MGMT: variants seen among roughly 807,000 people sequenced by gnomAD.
MGMT encodes the protein O-6-methylguanine-DNA methyltransferase.
MGMT carries 14 observed loss-of-function variants against 15.9 expected under a neutral mutation model. The ratio of observed to expected loss-of-function variants is 0.88; its 90% confidence interval spans 0.58 to 1.37. The LOEUF is 1.37. Ranked by LOEUF, MGMT falls within the 40% of genes most tolerant of loss-of-function variation. The pLI is 0.00. For missense variants in MGMT, 282 were observed against 268.1 expected, an observed-to-expected ratio of 1.05 and a Z score of -0.36; for synonymous variants, 130 against 118.2, an observed-to-expected ratio of 1.10 and a Z score of -0.65.
At chr10:129,614,395 G>C (rs12266634) in intron 2 of MGMT, among the ~76,000 whole-genome samples, 56,749 of 152,032 alleles carry the variant, frequency 0.37, 11,186 homozygotes, top group African/African-American at 0.47. Context: ...TGGGCTTTCC[G>C]AGCCTGCGCT....
chr10:129,529,655 A>T (rs905294323), intron 1 of MGMT, among the ~76,000 whole-genome samples: 3 of 130,966 alleles, frequency 2.3e-5, no homozygotes, highest in Non-Finnish European at 3.3e-5. Context: ...TTTTATTCTA[A>T]TCTTTATTTT....
At chr10:129,469,034 G>A (rs1845202032) in intron 1 of MGMT, among the ~76,000 whole-genome samples, 1 of 152,194 alleles carries the variant, frequency 6.6e-6, no homozygotes, top group Non-Finnish European at 1.5e-5. Flanking sequence ...TCAGATTCTT[G>A]AACCTTGTTG....
In MGMT at chr10:129,597,955, G is replaced by T. The variant is rs554149808; in HGVS notation, c.125+61578G>T. On this transcript the variant is annotated intron_variant, in intron 2 of 4. Coordinates refer to ENST00000651593, the MANE Select transcript of MGMT (RefSeq NM_002412.5). ...TTCTGTGTTGCTTCAGAGAGATGTC[G>T]TTCGGTGGGTAGAGGCTGCGCAGTG... Among the ~76,000 whole-genome samples, 6 of 152,284 alleles carry T rather than the reference G, an allele frequency of 3.9e-5. No homozygotes were observed. The South Asian group carries it at 1.2e-3, about 32-fold the overall frequency.
At chr10:129,483,739 C>G (rs1232001720) in intron 1 of MGMT, among the ~76,000 whole-genome samples, 10 of 151,766 alleles carry the variant, frequency 6.6e-5, no homozygotes, top group Non-Finnish European at 1.3e-4. Context: ...TATGTTTCTT[C>G]TGCTTGGGTT....
chr10:129,601,526 G>T (rs981712617), intron 2 of MGMT, among the ~76,000 whole-genome samples: 2 of 152,086 alleles, frequency 1.3e-5, no homozygotes, highest in Non-Finnish European at 2.9e-5. Context: ...ACACTGCAGG[G>T]GCTTCTGGCT....
intron 3 of MGMT, among the ~76,000 whole-genome samples, chr10:129,738,159 G>T (rs1294658124): frequency 2.0e-5 from 3 of 152,214 alleles, no homozygotes; most frequent in Non-Finnish European, 4.4e-5. Flanking sequence ...AAGCCTCGCT[G>T]CCACCTTGCA....
intron 2 of MGMT, among the ~76,000 whole-genome samples, chr10:129,633,160 C>T (rs1020637818): frequency 1.3e-5 from 2 of 152,172 alleles, no homozygotes; most frequent in Non-Finnish European, 2.9e-5. Flanking sequence ...CTTCTCAGTA[C>T]TCCCACTTTG....
In MGMT at chr10:129,669,932, A is replaced by G. The variant is rs376202886; in HGVS notation, c.126-37963A>G. Among the ~76,000 whole-genome samples, 69 of 152,348 alleles carry G rather than the reference A, an allele frequency of 4.5e-4. 2 individuals carry two copies. The South Asian group carries it at 0.014, about 31-fold the overall frequency. ...TTTACAAAGCTATTTAATGTTTGATAACAATAGTTGAAGGAAATTCTTTTG... is the reference window on the plus strand; with the variant it reads ...TTTACAAAGCTATTTAATGTTTGATGACAATAGTTGAAGGAAATTCTTTTG... On this transcript the variant is annotated intron_variant, in intron 2 of 4. Transcript: ENST00000651593.
At chr10:129,471,286 A>G (rs1845228476) in intron 1 of MGMT, among the ~76,000 whole-genome samples, 1 of 152,246 alleles carries the variant, frequency 6.6e-6, no homozygotes, top group African/African-American at 2.4e-5. Context: ...GGATCAGGCA[A>G]TTCTGGCACG....
At chr10:129,591,670 G>A (rs758071344) in intron 2 of MGMT, among the ~76,000 whole-genome samples, 9 of 152,196 alleles carry the variant, frequency 5.9e-5, no homozygotes, top group Non-Finnish European at 7.3e-5. Context: ...GGTGGCTCAC[G>A]CCTGTAATCC....
intron 2 of MGMT, among the ~76,000 whole-genome samples, chr10:129,546,575 G>A (rs906336824): frequency 6.6e-6 from 1 of 152,204 alleles, no homozygotes; most frequent in Non-Finnish European, 1.5e-5. Context: ...ACAAGTGGGT[G>A]GCCATGAAGA....
chr10:129,527,067 G>A (rs994098689), intron 1 of MGMT, among the ~76,000 whole-genome samples: 1 of 152,226 alleles, frequency 6.6e-6, no homozygotes, highest in African/African-American at 2.4e-5. Context: ...CCAGCCTGTG[G>A]GGCCGTGGGC....
At chr10:129,700,479 A>G (rs566838442) in intron 2 of MGMT, 1 of 152,294 alleles carries the variant, frequency 6.6e-6, no homozygotes, top group East Asian at 1.9e-4. Flanking sequence ...ATCGGGGCCA[A>G]TGGAAGGCGG....
intron 3 of MGMT, among the ~76,000 whole-genome samples, chr10:129,755,905 G>A (rs950361798): frequency 3.9e-5 from 6 of 152,210 alleles, no homozygotes; most frequent in East Asian, 1.9e-4. Flanking sequence ...TCCTCCTGCC[G>A]TGCTCTGGTG....
At chr10:129,476,260 G>T (rs1019309386) in intron 1 of MGMT, among the ~76,000 whole-genome samples, 2 of 152,118 alleles carry the variant, frequency 1.3e-5, no homozygotes, top group African/African-American at 4.8e-5. Context: ...CATGGCCCCC[G>T]CTGTCCTTGT....
intron 1 of MGMT, among the ~76,000 whole-genome samples, chr10:129,501,753 C>G (rs1845576738): frequency 6.6e-6 from 1 of 152,220 alleles, no homozygotes; most frequent in Non-Finnish European, 1.5e-5. Flanking sequence ...TCCAACACTA[C>G]TTTAATTTGA....
Position 129,518,199 on chromosome 10 carries a change from T to C in MGMT, c.-12-18042T>C, listed in dbSNP as rs1041739410. ...GTTTATAATGATAGAAAAAAAATTT[T>C]TCATCTCTGAAATTTGCCACCTTCT... On this transcript the variant is annotated intron_variant, in intron 1 of 4. Transcript: ENST00000651593. 4.0e-4 allele frequency among the ~76,000 whole-genome samples: 61 copies of C among 152,016 alleles called. 1 individual carries two copies. The highest frequency in any genetic ancestry group is 3.4e-3 in the Admixed American group (52 of 15,278).
In MGMT at chr10:129,681,513, T is replaced by G. The variant is rs370237967; in HGVS notation, c.126-26382T>G. 2.8e-3 allele frequency among the ~76,000 whole-genome samples: 434 copies of G among 152,344 alleles called. 3 individuals carry two copies. Among genetic ancestry groups the G allele is most frequent in the African/African-American group, 0.01 (426 of 41,580 alleles). On this transcript the variant is annotated intron_variant, in intron 2 of 4. Coordinates refer to ENST00000651593, the MANE Select transcript of MGMT (RefSeq NM_002412.5). ...AAGGATCAATATTTTTAAAAAATTC[T>G]GTTCCTAAACTTTTGCTCTGCAAAA...
intron 2 of MGMT, among the ~76,000 whole-genome samples, chr10:129,679,233 A>C (rs1397407614): frequency 3.3e-5 from 5 of 152,174 alleles, no homozygotes; most frequent in East Asian, 1.9e-4. Context: ...TCTATTCCCC[A>C]AAATTTATGC....
Sources: gnomAD v4.1 joint callset for allele counts (sites outside exome capture counted in the v4.1 genomes callset) on GRCh38, gnomAD v4.1.1 for gene constraint, MANE v1.5 for transcripts, NCBI Gene and HGNC (gene_info 2026-07-23, HGNC 2026-07-21) for gene names.